Variants in SERGEF observed in about 807,000 individuals in gnomAD.
The protein encoded by SERGEF is secretion-regulating guanine nucleotide exchange factor.
Under a neutral mutation model 50.0 loss-of-function variants are expected in SERGEF, and 51 were observed. The observed-to-expected ratio is 1.02, with a 90% CI of 0.81 to 1.29. The LOEUF is 1.29. Ranked by LOEUF, SERGEF falls within the 50% of genes most tolerant of loss-of-function variation. The probability of loss-of-function intolerance (pLI) is 0.00; values close to 1 mark genes in which losing one functional copy is unlikely to be tolerated. For synonymous variants in SERGEF, 205 were observed against 212.4 expected (o/e 0.97, Z 0.30); for missense variants, 521 against 557.0 (o/e 0.94, Z 0.65).
At chr11:17,809,411 G>A (rs1197361025) in intron 10 of SERGEF, among the ~76,000 whole-genome samples, 1 of 152,224 alleles carries the variant, frequency 6.6e-6, no homozygotes, top group Non-Finnish European at 1.5e-5. Context: ...AGCCACTAAG[G>A]CTTTTGGACA....
chr11:17,986,617 T>C lies in SERGEF; in HGVS notation c.844+1980A>G, dbSNP rs557268129. ...CGCATCAGCTAGAATGCTTCAAAGC[T>C]AAAATCAAAGAAGCAACATCTTTAT... On this transcript the variant is annotated intron_variant, in intron 8 of 10. Coordinates refer to ENST00000265965, the MANE Select transcript of SERGEF (RefSeq NM_012139.4). Among the ~76,000 whole-genome samples the C allele has an allele frequency of 5.3e-5, 8 of 152,298 alleles. No homozygotes were observed. The East Asian group carries it at 1.3e-3, about 26-fold the overall frequency.
chr11:17,920,826 T>A (rs12281767), intron 9 of SERGEF, among the ~76,000 whole-genome samples: 2,755 of 152,300 alleles, frequency 0.018, 101 homozygotes, highest in African/African-American at 0.064. Context: ...GACCAGAGAA[T>A]CACCAAGAGA....
intron 8 of SERGEF, among the ~76,000 whole-genome samples, chr11:17,980,719 T>C (rs1387004050): frequency 1.3e-5 from 2 of 152,236 alleles, no homozygotes; most frequent in African/African-American, 4.8e-5. Context: ...TATTCCAACA[T>C]ATGGCTCTGC....
intron 9 of SERGEF, among the ~76,000 whole-genome samples, chr11:17,942,043 A>C (rs1381748532): frequency 2.0e-5 from 3 of 152,154 alleles, no homozygotes; most frequent in Admixed American, 6.6e-5. Flanking sequence ...GGTTAGGTGG[A>C]TCTTGCAACT....
At chr11:18,011,455 A>C (rs973189804) in intron 1 of SERGEF, among the ~76,000 whole-genome samples, 13 of 152,208 alleles carry the variant, frequency 8.5e-5, no homozygotes. Flanking sequence ...AGCCAGAGAG[A>C]GGCCTCGGGA....
chr11:17,994,445 C>T (rs941279744), intron 6 of SERGEF, among the ~76,000 whole-genome samples: 2 of 127,060 alleles, frequency 1.6e-5, no homozygotes, highest in African/African-American at 6.0e-5. Context: ...CACTGCACTC[C>T]AGCCTGGGCG....
At chr11:17,837,494 C>T (rs1850421932) in intron 10 of SERGEF, among the ~76,000 whole-genome samples, 1 of 151,240 alleles carries the variant, frequency 6.6e-6, no homozygotes, top group African/African-American at 2.4e-5. Context: ...GGCACCTCCC[C>T]TCTCTCTTGC....
rs142474621 is a variant in SERGEF at position 17,800,282 on chromosome 11, C to T, written c.1049-11869G>A. On this transcript the variant is annotated intron_variant, in intron 10 of 10. Transcript: ENST00000265965. ...TTCATAGCCTTCCCCACCAACATCC[C>T]GCACCACTGACACACCATTGGCGCT... Among the ~76,000 whole-genome samples the T allele has an allele frequency of 7.4e-4, 112 of 152,232 alleles. 1 individual carries two copies. Among genetic ancestry groups the T allele is most frequent in the Admixed American group, 1.6e-3 (24 of 15,292 alleles).
intron 10 of SERGEF, among the ~76,000 whole-genome samples, chr11:17,830,645 GGAGGGAGAGAGAGA>G (rs1850283832): frequency 5.2e-5 from 1 of 19,382 alleles, no homozygotes; most frequent in East Asian, 3.0e-3. Context: ...GGAGGGAGAG[GGAGGGAGAGAGAGA>G]GAGAGAGAGA....
At position 18,012,903 on chromosome 11, in the gene SERGEF, C is replaced by T. The variant is rs781034028; in HGVS notation, c.60+48G>A. On this transcript the variant is annotated intron_variant, in intron 1 of 10. Coordinates refer to ENST00000265965, the MANE Select transcript of SERGEF (RefSeq NM_012139.4). ...ACGCCGCGGCCAGCAGCTCCCACAT[C>T]TCGGCGCCCCTCAGGGCCTGCACCG... The T allele has an allele frequency of 2.2e-5, 34 of 1,535,534 alleles. No individual in the cohort carries two copies. In the East Asian group the frequency reaches 7.6e-4, roughly 34 times the overall value.
intron 9 of SERGEF, among the ~76,000 whole-genome samples, chr11:17,941,726 C>T (rs936325734): frequency 2.0e-5 from 3 of 152,202 alleles, no homozygotes; most frequent in African/African-American, 7.2e-5. Context: ...TCCACAGCAG[C>T]TGCACTATTT....
intron 9 of SERGEF, among the ~76,000 whole-genome samples, chr11:17,934,921 G>C (rs1852421966): frequency 6.6e-6 from 1 of 151,864 alleles, no homozygotes; most frequent in Non-Finnish European, 1.5e-5. Context: ...TTCACTCAAA[G>C]ACATGACCCA....
chr11:17,911,382 T>A (rs983950634), intron 9 of SERGEF, among the ~76,000 whole-genome samples: 5 of 147,532 alleles, frequency 3.4e-5, no homozygotes, highest in African/African-American at 1.2e-4. Context: ...ATATATAAAA[T>A]ATATATACAC....
intron 10 of SERGEF, among the ~76,000 whole-genome samples, chr11:17,875,251 C>T (rs190079873): frequency 1.1e-4 from 16 of 152,296 alleles, no homozygotes; most frequent in South Asian, 6.2e-4. Context: ...TTGCTGTAAC[C>T]GTAGGACCAA....
At chr11:17,918,427 T>G (rs541276263) in intron 9 of SERGEF, among the ~76,000 whole-genome samples, 28 of 152,220 alleles carry the variant, frequency 1.8e-4, no homozygotes, top group African/African-American at 6.3e-4. Flanking sequence ...TGTCAGCACT[T>G]CATTTATATC....
At chr11:17,812,625 TC>T (rs1849896406) in intron 10 of SERGEF, among the ~76,000 whole-genome samples, 1 of 152,160 alleles carries the variant, frequency 6.6e-6, no homozygotes, top group Admixed American at 6.5e-5. Flanking sequence ...GCTTCATCCT[TC>T]AGGGCTCAGC....
At chr11:17,857,218 T>A (rs974436041) in intron 10 of SERGEF, among the ~76,000 whole-genome samples, 1 of 152,210 alleles carries the variant, frequency 6.6e-6, no homozygotes, top group Non-Finnish European at 1.5e-5. Context: ...GACTTGTGGG[T>A]GACCGTTCCG....
intron 10 of SERGEF, among the ~76,000 whole-genome samples, chr11:17,830,090 T>C (rs1221825595): frequency 2.0e-5 from 3 of 152,226 alleles, no homozygotes; most frequent in Non-Finnish European, 4.4e-5. Context: ...TCTGCTCTGG[T>C]TGCCAAAGCA....
chr11:17,831,284 C>T (rs913313945), intron 10 of SERGEF, among the ~76,000 whole-genome samples: 2 of 152,170 alleles, frequency 1.3e-5, no homozygotes. Flanking sequence ...GGGGCAAGAC[C>T]CCTACACAAT....
Sources: allele counts gnomAD v4.1 joint callset (sites outside exome capture counted in the v4.1 genomes callset), GRCh38; gene constraint gnomAD v4.1.1; transcripts MANE v1.5; gene names NCBI Gene and HGNC (gene_info 2026-07-23, HGNC 2026-07-21).